The following MORC1 variants were observed in gnomAD, a reference collection of about 807,000 sequenced individuals.
The protein encoded by MORC1 is MORC family CW-type zinc finger 1.
In MORC1, 59 loss-of-function variants were observed where a neutral mutation model predicts 134.9. That is an observed-to-expected ratio of 0.44 (90% CI 0.35 to 0.54). MORC1 has a LOEUF of 0.54. Among genes scored for constraint, MORC1 ranks in the 20% least tolerant of loss-of-function variants. The pLI is 0.00. For missense variants in MORC1, 947 were observed against 1,134.5 expected, an observed-to-expected ratio of 0.83 and a Z score of 2.37; for synonymous variants, 395 against 391.7, an observed-to-expected ratio of 1.01 and a Z score of -0.10.
rs577006462 is a variant in MORC1, at chr3:109,062,776, G to A, written c.895+376C>T. ...AGTTTATTTTATTTTTTAAAATAGA[G>A]ACACAGTCTCGCTATGTTGCCCAGG... On this transcript the variant is annotated intron_variant, in intron 10 of 27. Transcript: ENST00000232603. Among the ~76,000 whole-genome samples the A allele has an allele frequency of 2.6e-5, 4 of 152,172 alleles. No homozygotes were observed. The South Asian group carries it at 6.2e-4, about 24-fold the overall frequency.
chr3:108,974,952 C>T (rs981227182), intron 24 of MORC1, among the ~76,000 whole-genome samples: 10 of 152,214 alleles, frequency 6.6e-5, no homozygotes, highest in African/African-American at 2.4e-4. Context: ...ACTAAATCAA[C>T]ACCATCTCTA....
At chr3:109,053,935 T>C (rs1417734670) in intron 14 of MORC1, among the ~76,000 whole-genome samples, 1 of 152,202 alleles carries the variant, frequency 6.6e-6, no homozygotes, top group African/African-American at 2.4e-5. Flanking sequence ...AAATTTTTAA[T>C]TGAAATCTTT....
chr3:109,056,162 A>G (rs1466813427), intron 13 of MORC1, among the ~76,000 whole-genome samples: 2 of 152,224 alleles, frequency 1.3e-5, no homozygotes, highest in African/African-American at 4.8e-5. Context: ...CTGGAAGCCC[A>G]TGGCAAGCAG....
At chr3:108,962,536 A>C (rs1157231598) in intron 27 of MORC1, among the ~76,000 whole-genome samples, 2 of 152,106 alleles carry the variant, frequency 1.3e-5, no homozygotes, top group Non-Finnish European at 2.9e-5. Flanking sequence ...TAAGGGTCTC[A>C]GTTCTTGTCC....
chr3:109,077,053 A>T (rs1950437611), intron 8 of MORC1, among the ~76,000 whole-genome samples: 1 of 152,154 alleles, frequency 6.6e-6, no homozygotes, highest in Non-Finnish European at 1.5e-5. Flanking sequence ...TAATTTGGTA[A>T]TCACATTTCT....
intron 22 of MORC1, among the ~76,000 whole-genome samples, chr3:108,986,072 G>C (rs1442597368): frequency 6.6e-6 from 1 of 152,088 alleles, no homozygotes; most frequent in Non-Finnish European, 1.5e-5. Context: ...GGCATGGATT[G>C]ATAAAGAAAA....
intron 22 of MORC1, among the ~76,000 whole-genome samples, chr3:108,986,514 G>A (rs1028004761): frequency 1.3e-5 from 2 of 152,060 alleles, no homozygotes; most frequent in African/African-American, 4.8e-5. Flanking sequence ...TGAAAAAACG[G>A]GGACTGTCAT....
chr3:109,043,190 G>T (rs1433171430), intron 14 of MORC1, among the ~76,000 whole-genome samples: 61 of 23,206 alleles, frequency 2.6e-3, no homozygotes, highest in South Asian at 0.014. Flanking sequence ...GCAAAATGTG[G>T]GGGGGGGGGG....
At chr3:109,040,427 G>GGAAGGAAGGAAGGAAA (rs1248788787) in intron 14 of MORC1, among the ~76,000 whole-genome samples, 41 of 48,388 alleles carry the variant, frequency 8.5e-4, no homozygotes, top group East Asian at 5.0e-3. Context: ...AAGGAAGGAA[G>GGAAGGAAGGAAGGAAA]GAAAGAAAGA....
At chr3:109,011,048 A>G (rs752139865) in intron 17 of MORC1, among the ~76,000 whole-genome samples, 2 of 152,152 alleles carry the variant, frequency 1.3e-5, no homozygotes, top group Non-Finnish European at 2.9e-5. Flanking sequence ...TATGATAGGT[A>G]TATCTTTAAC....
chr3:108,958,986 A>G lies in MORC1; in HGVS notation c.2934T>C (p.Asn978=), dbSNP rs772586042. 4 of 1,506,234 alleles carry G rather than the reference A, an allele frequency of 2.7e-6. No homozygotes were observed. The African/African-American group carries it at 5.8e-5, about 22-fold the overall frequency. 93.3% of individuals were successfully genotyped at this position (1,506,234 alleles called of 1,614,324 possible). Residue 978 remains asparagine (N), a synonymous_variant, in exon 28 of 28, where the codon AAT becomes AAC. Coordinates refer to ENST00000232603, the MANE Select transcript of MORC1 (RefSeq NM_014429.4). ...TGACTTAATTTTCCGAAGTCTTTTC[A>G]TTTTTTTCTAAAGGGAGTCTATGTC... ...DARHRLPLEK[N]EKTSEN
At chr3:108,984,808 C>T (rs760405721) in intron 22 of MORC1, 26 bp from the exon 23 acceptor site, 29 of 1,580,226 alleles carry the variant, frequency 1.8e-5, no homozygotes, top group South Asian at 3.4e-5. Context: ...GACAAACAAT[C>T]GCATTTGGAT....
At chr3:109,009,582 C>T (rs1439480845) in intron 17 of MORC1, among the ~76,000 whole-genome samples, 1 of 152,186 alleles carries the variant, frequency 6.6e-6, no homozygotes, top group African/African-American at 2.4e-5. Flanking sequence ...TCTTGGTTTA[C>T]ACTTCCTTTC....
intron 17 of MORC1, among the ~76,000 whole-genome samples, chr3:109,007,941 ATGTGTGTG>A (rs113629397): frequency 2.7e-5 from 4 of 149,512 alleles, no homozygotes; most frequent in African/African-American, 9.8e-5. Context: ...GCACATATAT[ATGTGTGTG>A]TGTGTGTGTG....
chr3:109,104,310 C>G (rs1270100172), intron 3 of MORC1, among the ~76,000 whole-genome samples: 1 of 152,076 alleles, frequency 6.6e-6, no homozygotes, highest in Non-Finnish European at 1.5e-5. Flanking sequence ...TCCACCAAAG[C>G]ACAATTATAA....
chr3:109,110,457 T>C (rs1951137734), intron 3 of MORC1: 2 of 314,518 alleles, frequency 6.4e-6, no homozygotes, highest in African/African-American at 2.2e-5. Context: ...ATATACTTTT[T>C]AAAAATAAAA....
rs774399592 is a variant in MORC1, at chr3:109,005,333, A to AT, written c.1768-19dup. ...GTATTTTCCTTAAATAACAAAGAAC[A>AT]TGTTTTTATTTTTTGGTAGATAGCC... On this transcript the variant is annotated intron_variant, in intron 18 of 27. Transcript: ENST00000232603. 1 of 1,566,470 alleles carries AT rather than the reference A, an allele frequency of 6.4e-7. No homozygotes were observed. The highest frequency in any genetic ancestry group is 1.2e-5 in the South Asian group (1 of 83,022).
intron 14 of MORC1, among the ~76,000 whole-genome samples, chr3:109,051,360 A>AGTATTTT (rs1949822832): frequency 6.6e-6 from 1 of 152,194 alleles, no homozygotes; most frequent in South Asian, 2.1e-4. Flanking sequence ...TTTCATTAAA[A>AGTATTTT]CTGTGTGCCC....
chr3:109,026,916 C>T (rs1949089193), intron 17 of MORC1, among the ~76,000 whole-genome samples: 1 of 152,176 alleles, frequency 6.6e-6, no homozygotes, highest in South Asian at 2.1e-4. Flanking sequence ...TGGTATCTGA[C>T]TTGCACTGCA....
Sources: allele counts gnomAD v4.1 joint callset (sites outside exome capture counted in the v4.1 genomes callset), GRCh38; gene constraint gnomAD v4.1.1; transcripts MANE v1.5; gene names NCBI Gene and HGNC (gene_info 2026-07-23, HGNC 2026-07-21).